PCDHA7: variants seen among roughly 807,000 people sequenced by gnomAD.
PCDHA7 encodes the protein protocadherin alpha-7.
A neutral mutation model predicts 57.2 loss-of-function variants in PCDHA7; 37 were observed. That is an observed-to-expected ratio of 0.65 (90% confidence interval 0.50 to 0.85). The LOEUF is 0.85. PCDHA7 is among the 40% of genes least tolerant of loss of function. The pLI is 0.00. For missense variants in PCDHA7, 1,188 were observed against 1,241.8 expected (o/e 0.96, Z 0.65); for synonymous variants, 553 against 558.8 (o/e 0.99, Z 0.15).
intron 1 of PCDHA7, among the ~76,000 whole-genome samples, chr5:140,951,625 A>T (rs2094607568): frequency 6.6e-6 from 1 of 152,114 alleles, no homozygotes; most frequent in African/African-American, 2.4e-5. Flanking sequence ...CAAGGGGGAA[A>T]CCTGCCCCAT....
Position 140,843,518 on chromosome 5 carries a change from C to G in PCDHA7, c.2355+6780C>G, listed in dbSNP as rs2150361647. On this transcript the variant is annotated intron_variant, in intron 1 of 3. Transcript: ENST00000525929. ...AGCACTGCCCACTGAGGGCGGGTGC[C>G]GGGCGGGCAAGCCCACTCTGGTGTG... 99 of 1,595,534 alleles carry G rather than the reference C, an allele frequency of 6.2e-5. 6 individuals are homozygous for G. The highest frequency in any genetic ancestry group is 1.7e-4 in the Middle Eastern group (1 of 5,992).
Position 140,869,430 on chromosome 5 carries a change from C to A in PCDHA7, c.2355+32692C>A, listed in dbSNP as rs73793507. On this transcript the variant is annotated intron_variant, in intron 1 of 3. Transcript: ENST00000525929. ...AGTGCAGCATCCACCTGGAGGTGATCGTGGACAGGCCGCTGCAGGTTTTCC... is the reference window on the plus strand; with the variant it reads ...AGTGCAGCATCCACCTGGAGGTGATAGTGGACAGGCCGCTGCAGGTTTTCC... 7.1e-4 allele frequency: 1,143 copies of A among 1,614,154 alleles called. 9 individuals are homozygous for A. In the African/African-American group the frequency reaches 0.013, roughly 18 times the overall value.
chr5:140,903,543 A>C (rs1309997907), intron 1 of PCDHA7, among the ~76,000 whole-genome samples: 2 of 152,206 alleles, frequency 1.3e-5, no homozygotes, highest in East Asian at 3.8e-4. Flanking sequence ...TAGAGCAAGA[A>C]ACTTTTCTAA....
intron 1 of PCDHA7, among the ~76,000 whole-genome samples, chr5:140,878,322 T>C (rs2057540228): frequency 6.6e-6 from 1 of 152,228 alleles, no homozygotes; most frequent in Non-Finnish European, 1.5e-5. Context: ...CATTTTCACA[T>C]TATATTCCAG....
At position 140,870,536 on chromosome 5, in the gene PCDHA7, C is replaced by T. The variant is rs782205013; in HGVS notation, c.2355+33798C>T. On this transcript the variant is annotated intron_variant, in intron 1 of 3. Transcript: ENST00000525929. ...GGCTGCCACATCTTCACAGTGTCGGCGCGGGACGCGGACGCGCAGGAGAAC... is the reference window on the plus strand; with the variant it reads ...GGCTGCCACATCTTCACAGTGTCGGTGCGGGACGCGGACGCGCAGGAGAAC... 1.1e-5 allele frequency: 18 copies of T among 1,614,036 alleles called. No individual in the cohort carries two copies. The Admixed American group carries it at 3.0e-4, about 27-fold the overall frequency.
At chr5:140,926,986 C>T (rs782199565) in intron 1 of PCDHA7, 1 of 1,610,712 alleles carries the variant, frequency 6.2e-7, no homozygotes, top group Non-Finnish European at 8.5e-7. Flanking sequence ...GGAGACGGAG[C>T]GGGGCGTAGC....
intron 1 of PCDHA7, chr5:140,851,167 C>T: frequency 7.8e-7 from 1 of 1,282,038 alleles, no homozygotes. Context: ...GCTATGCTGC[C>T]ATAACACTTG....
intron 3 of PCDHA7, among the ~76,000 whole-genome samples, chr5:140,997,083 A>C (rs1267571178): frequency 2.6e-5 from 4 of 152,174 alleles, no homozygotes; most frequent in Non-Finnish European, 5.9e-5. Flanking sequence ...AGTTGAGTAG[A>C]AAGTGCAGAG....
chr5:140,852,859 C>T, intron 1 of PCDHA7: 1 of 960,834 alleles, frequency 1.0e-6, no homozygotes. Context: ...TAAGCATTTA[C>T]TATGTCATCA....
At chr5:140,927,741 C>T (rs782292892) in intron 1 of PCDHA7, 1 of 1,614,244 alleles carries the variant, frequency 6.2e-7, no homozygotes, top group East Asian at 2.2e-5. Flanking sequence ...TGCGACACCG[C>T]TTTCACGTGC....
intron 1 of PCDHA7, 81 bp downstream of exon 1, chr5:140,836,819 CT>C: frequency 9.0e-7 from 1 of 1,113,456 alleles, no homozygotes; most frequent in Non-Finnish European, 1.3e-6. Context: ...TTCATAATTT[CT>C]TTTTTAGTTG....
intron 1 of PCDHA7, among the ~76,000 whole-genome samples, chr5:140,838,757 T>C (rs2150292205): frequency 1.3e-5 from 2 of 151,922 alleles, no homozygotes; most frequent in African/African-American, 2.4e-5. Context: ...GCATCTTTTG[T>C]AGAGACTTTG....
intron 3 of PCDHA7, among the ~76,000 whole-genome samples, chr5:141,000,961 C>A (rs1207814885): frequency 6.6e-6 from 1 of 151,948 alleles, no homozygotes; most frequent in Non-Finnish European, 1.5e-5. Flanking sequence ...GTAATTTAAG[C>A]CTTCATATTC....
intron 1 of PCDHA7, among the ~76,000 whole-genome samples, chr5:140,974,321 T>C (rs2096622495): frequency 6.6e-6 from 1 of 152,226 alleles, no homozygotes; most frequent in Non-Finnish European, 1.5e-5. Context: ...AGAGAGTAGC[T>C]GCTGTGCTAG....
intron 1 of PCDHA7, among the ~76,000 whole-genome samples, chr5:140,887,589 T>C (rs1271786236): frequency 6.6e-6 from 1 of 152,120 alleles, no homozygotes; most frequent in Non-Finnish European, 1.5e-5. Context: ...CTTTTGCAGA[T>C]TGATTGTGAT....
chr5:140,915,209 AG>A lies in PCDHA7; in HGVS notation c.2356-63739del, dbSNP rs2077027084. On this transcript the variant is annotated intron_variant, in intron 1 of 3. Coordinates refer to ENST00000525929, the MANE Select transcript of PCDHA7 (RefSeq NM_018910.3). ...TGATCCGCCCATCTTGGCCTCCCAAAGTGCTGGGATTACAGGCATGAGCCAC... is the reference window on the plus strand; with the variant it reads ...TGATCCGCCCATCTTGGCCTCCCAAATGCTGGGATTACAGGCATGAGCCAC... 2.6e-5 allele frequency among the ~76,000 whole-genome samples: 4 copies of A among 152,034 alleles called. No individual in the cohort carries two copies. The South Asian group carries it at 8.3e-4, about 32-fold the overall frequency.
At chr5:140,888,309 C>T (rs1175163005) in intron 1 of PCDHA7, among the ~76,000 whole-genome samples, 1 of 152,138 alleles carries the variant, frequency 6.6e-6, no homozygotes, top group Admixed American at 6.5e-5. Context: ...GATAATTTGG[C>T]AATGCCTGGA....
chr5:140,855,873 A>G lies in PCDHA7; in HGVS notation c.2355+19135A>G. ...ACCGGATGTCGCTGTCGTCCACAAAATAGCTTTTTAGAACAAAGGCATCAG... is the reference window on the plus strand; with the variant it reads ...ACCGGATGTCGCTGTCGTCCACAAAGTAGCTTTTTAGAACAAAGGCATCAG... On this transcript the variant is annotated intron_variant, in intron 1 of 3. Coordinates refer to ENST00000525929, the MANE Select transcript of PCDHA7 (RefSeq NM_018910.3). The G allele has an allele frequency of 2.3e-6, 2 of 864,574 alleles. 1 individual carries two copies. Among genetic ancestry groups the G allele is most frequent in the South Asian group, 4.1e-5 (2 of 49,350 alleles). The allele number at this position is 864,574 out of a possible 1,614,324, so 53.6% of individuals were successfully genotyped here.
At chr5:140,871,450 G>C (rs781785142) in intron 1 of PCDHA7, 1 of 1,608,836 alleles carries the variant, frequency 6.2e-7, no homozygotes, top group Non-Finnish European at 8.5e-7. Flanking sequence ...GAATAAAGAG[G>C]AGGAAGGGGA....
Sources: allele counts gnomAD v4.1 joint callset (sites outside exome capture counted in the v4.1 genomes callset), GRCh38; gene constraint gnomAD v4.1.1; transcripts MANE v1.5; gene names NCBI Gene and HGNC (gene_info 2026-07-23, HGNC 2026-07-21).